Variants in SYT1 observed in about 807,000 individuals in gnomAD.
SYT1 encodes synaptotagmin 1.
A neutral mutation model predicts 44.8 loss-of-function variants in SYT1; 8 were observed. That is an observed-to-expected ratio of 0.18 (90% CI 0.10 to 0.32). The LOEUF (loss-of-function observed/expected upper bound fraction) is 0.32. SYT1 is among the 10% of genes least tolerant of loss of function. SYT1 has a pLI of 1.00. For synonymous variants in SYT1, 154 were observed against 188.8 expected, an observed-to-expected ratio of 0.82 and a Z score of 1.51; for missense variants, 286 against 509.3, an observed-to-expected ratio of 0.56 and a Z score of 4.22.
chr12:79,439,040 C>A (rs1411364646), intron 9 of SYT1, among the ~76,000 whole-genome samples: 3 of 152,160 alleles, frequency 2.0e-5, no homozygotes, highest in African/African-American at 2.4e-5. Flanking sequence ...ACTACCACAT[C>A]TCTAACAAAA....
At chr12:79,018,293 A>G (rs1170519561) in intron 2 of SYT1, among the ~76,000 whole-genome samples, 1 of 145,576 alleles carries the variant, frequency 6.9e-6, no homozygotes, top group Non-Finnish European at 1.5e-5. Context: ...GAATTGAACA[A>G]TGAGAACACA....
chr12:79,245,460 G>A (rs1189025256), intron 4 of SYT1, among the ~76,000 whole-genome samples: 4 of 124,640 alleles, frequency 3.2e-5, no homozygotes, highest in African/African-American at 6.2e-5. Context: ...GGCACAGAGC[G>A]AGACTCCGTC....
At chr12:79,247,283 C>T (rs935628473) in intron 4 of SYT1, among the ~76,000 whole-genome samples, 2 of 151,998 alleles carry the variant, frequency 1.3e-5, no homozygotes, top group African/African-American at 4.8e-5. Flanking sequence ...TCCCATTTAC[C>T]GGTACTTTCG....
At chr12:79,339,129 A>G (rs1882237106) in intron 8 of SYT1, among the ~76,000 whole-genome samples, 1 of 152,160 alleles carries the variant, frequency 6.6e-6, no homozygotes, top group Admixed American at 6.5e-5. Flanking sequence ...CAATAAACAT[A>G]CGTGTGCATG....
chr12:79,259,948 T>G (rs892606842), intron 4 of SYT1, among the ~76,000 whole-genome samples: 8 of 152,188 alleles, frequency 5.3e-5, no homozygotes, highest in African/African-American at 1.9e-4. Context: ...TTTCAGGCCT[T>G]GAATAAAGTC....
At chr12:79,076,574 G>T (rs565698684) in intron 3 of SYT1, among the ~76,000 whole-genome samples, 3 of 152,132 alleles carry the variant, frequency 2.0e-5, no homozygotes, top group African/African-American at 7.2e-5. Context: ...TGTGACCCCT[G>T]GTCCTCTGTT....
chr12:79,376,305 T>C (rs555740624), intron 9 of SYT1, among the ~76,000 whole-genome samples: 133 of 152,348 alleles, frequency 8.7e-4, no homozygotes, highest in African/African-American at 3.0e-3. Flanking sequence ...GGCTGCTGGT[T>C]GCCCATTTTT....
At chr12:78,883,421 TG>T (rs1874569525) in intron 1 of SYT1, among the ~76,000 whole-genome samples, 1 of 151,672 alleles carries the variant, frequency 6.6e-6, no homozygotes, top group Non-Finnish European at 1.5e-5. Context: ...CTTTAATGTG[TG>T]GTTTTGGTAA....
intron 10 of SYT1, among the ~76,000 whole-genome samples, chr12:79,447,882 A>T (rs1870824518): frequency 6.6e-6 from 1 of 152,208 alleles, no homozygotes; most frequent in South Asian, 2.1e-4. Flanking sequence ...AAAGTCCACT[A>T]AAGGGCCCTA....
intron 3 of SYT1, among the ~76,000 whole-genome samples, chr12:79,101,463 G>A (rs1280281399): frequency 1.3e-5 from 2 of 152,274 alleles, no homozygotes; most frequent in East Asian, 1.9e-4. Flanking sequence ...CTGAAGGAAG[G>A]GAAGAATGGA....
chr12:79,339,783 T>C (rs1851775154), intron 8 of SYT1, among the ~76,000 whole-genome samples: 1 of 152,236 alleles, frequency 6.6e-6, no homozygotes, highest in Admixed American at 6.5e-5. Context: ...GGTTTTCTTC[T>C]AGGGATTTTA....
rs543753441 is a variant in SYT1 at position 79,018,165 on chromosome 12, T to TA, written c.-83-29126dup. On this transcript the variant is annotated intron_variant, in intron 2 of 10. Coordinates refer to ENST00000261205, the MANE Select transcript of SYT1 (RefSeq NM_005639.3). ...TACACCATGGAATACTATGCAGCCA[T>TA]AAAAAATGATGAGTTCATGTCCTTT... 1.8e-3 allele frequency among the ~76,000 whole-genome samples: 276 copies of TA among 151,716 alleles called. 1 individual carries two copies. Among genetic ancestry groups the TA allele is most frequent in the African/African-American group, 6.4e-3 (266 of 41,366 alleles).
At chr12:79,179,004 A>G (rs1872120073) in intron 3 of SYT1, among the ~76,000 whole-genome samples, 1 of 44,392 alleles carries the variant, frequency 2.3e-5, no homozygotes, top group African/African-American at 9.1e-5. Context: ...AGATATAGAT[A>G]TAGATATATA....
chr12:79,130,076 G>A lies in SYT1; in HGVS notation c.-18+82714G>A, dbSNP rs371526196. 1.7e-4 allele frequency among the ~76,000 whole-genome samples: 26 copies of A among 152,210 alleles called. 1 individual carries two copies. Among genetic ancestry groups the A allele is most frequent in the African/African-American group, 6.0e-4 (25 of 41,530 alleles). ...TTTTTTCATTGTACATAAAAACATG[G>A]AAAATTTGCTAAGTTTCAGCAGGTA... On this transcript the variant is annotated intron_variant, in intron 3 of 10. Coordinates refer to ENST00000261205, the MANE Select transcript of SYT1 (RefSeq NM_005639.3).
rs549182633 is a variant in SYT1 at position 79,193,066 on chromosome 12, G to A, written c.-17-24437G>A. 6.6e-5 allele frequency among the ~76,000 whole-genome samples: 10 copies of A among 152,176 alleles called. No individual in the cohort carries two copies. The South Asian group carries it at 2.1e-3, about 32-fold the overall frequency. ...AATGACCCAAAACAATTTCTTAATA[G>A]CCTGAAAGAGTTCCTTAACTTTCCA... On this transcript the variant is annotated intron_variant, in intron 3 of 10. Transcript: ENST00000261205.
rs146885448 is a variant in SYT1, at chr12:79,002,671, T to C, written c.-84+24740T>C. On this transcript the variant is annotated intron_variant, in intron 2 of 10. Coordinates refer to ENST00000261205, the MANE Select transcript of SYT1 (RefSeq NM_005639.3). Reference sequence around the variant, plus strand: ...ATTTATATTCCAAGTCTCCTCTAATTGTGAATCTAGTTTAGCATCACTAAT... The same window carrying C: ...ATTTATATTCCAAGTCTCCTCTAATCGTGAATCTAGTTTAGCATCACTAAT... Among the ~76,000 whole-genome samples the C allele has an allele frequency of 4.0e-3, 604 of 152,116 alleles. 3 individuals carry two copies. Among genetic ancestry groups the C allele is most frequent in the African/African-American group, 0.014 (572 of 41,544 alleles).
At chr12:79,058,025 T>A (rs958816769) in intron 3 of SYT1, among the ~76,000 whole-genome samples, 1 of 152,002 alleles carries the variant, frequency 6.6e-6, no homozygotes, top group Non-Finnish European at 1.5e-5. Flanking sequence ...GTTTGGACAA[T>A]TGTATATTTA....
intron 8 of SYT1, among the ~76,000 whole-genome samples, chr12:79,324,589 T>G (rs1325961072): frequency 6.6e-6 from 1 of 152,164 alleles, no homozygotes; most frequent in East Asian, 1.9e-4. Context: ...GCATTTAATA[T>G]TTGTCTTTAA....
At position 79,303,487 on chromosome 12, in the gene SYT1, G is replaced by C. The variant is rs1015108596; in HGVS notation, c.810+3936G>C. ...CTGTTTTATTGTTTTGTTTCCATTA[G>C]AGAATAAGTCTATCACCTCGGCTTT... On this transcript the variant is annotated intron_variant, in intron 8 of 10. Transcript: ENST00000261205. 5.3e-5 allele frequency among the ~76,000 whole-genome samples: 8 copies of C among 151,902 alleles called. No homozygotes were observed. The East Asian group carries it at 5.8e-4, about 11-fold the overall frequency.
Sources: gnomAD v4.1 joint callset for allele counts (sites outside exome capture counted in the v4.1 genomes callset) on GRCh38, gnomAD v4.1.1 for gene constraint, MANE v1.5 for transcripts, NCBI Gene and HGNC (gene_info 2026-07-23, HGNC 2026-07-21) for gene names.